Variants in PKHD1 observed in about 807,000 individuals in gnomAD.
PKHD1 encodes the protein PKHD1 ciliary IPT domain containing fibrocystin/polyductin.
PKHD1 carries 291 observed loss-of-function variants against 412.0 expected under a neutral mutation model. The observed-to-expected ratio is 0.71, with a 90% CI of 0.64 to 0.78. The LOEUF is 0.78. Ranked by LOEUF, PKHD1 falls within the 30% of genes least tolerant of loss-of-function variation. The probability of loss-of-function intolerance (pLI) is 0.00; values close to 1 mark genes in which losing one functional copy is unlikely to be tolerated. For synonymous variants in PKHD1, 1,777 were observed against 1,821.5 expected (o/e 0.98, Z 0.62); for missense variants, 4,825 against 4,950.7 (o/e 0.97, Z 0.76).
chr6:51,834,147 T>A (rs1582942577), intron 51 of PKHD1, among the ~76,000 whole-genome samples: 1 of 152,070 alleles, frequency 6.6e-6, no homozygotes, highest in East Asian at 1.9e-4. Context: ...AAATTCAGTA[T>A]CCACAAATTT....
intron 60 of PKHD1, among the ~76,000 whole-genome samples, chr6:51,714,325 G>A (rs1207872458): frequency 2.6e-5 from 4 of 152,026 alleles, no homozygotes; most frequent in South Asian, 2.1e-4. Context: ...AGCTGAGATC[G>A]TGCCATTGCA....
In PKHD1 at chr6:51,792,017, C is replaced by T. The variant is rs151048204; in HGVS notation, c.8303-644G>A. On this transcript the variant is annotated intron_variant, in intron 52 of 66. Coordinates refer to ENST00000371117, the MANE Select transcript of PKHD1 (RefSeq NM_138694.4). Reference sequence around the variant, plus strand: ...AAGTACATGGTGCATGCTTAATAAACGCTTGATGTTATTATTTTTACTGTT... The same window carrying T: ...AAGTACATGGTGCATGCTTAATAAATGCTTGATGTTATTATTTTTACTGTT... 2.4e-3 allele frequency among the ~76,000 whole-genome samples: 364 copies of T among 152,306 alleles called. 1 individual carries two copies. The highest frequency in any genetic ancestry group is 8.1e-3 in the African/African-American group (338 of 41,566).
At chr6:51,842,628 C>A (rs1770421959) in intron 50 of PKHD1, among the ~76,000 whole-genome samples, 1 of 152,184 alleles carries the variant, frequency 6.6e-6, no homozygotes, top group Non-Finnish European at 1.5e-5. Context: ...CTGTTTTGGG[C>A]AAGTCCTATT....
chr6:51,701,705 A>T (rs1472618410), intron 60 of PKHD1, among the ~76,000 whole-genome samples: 1 of 152,034 alleles, frequency 6.6e-6, no homozygotes, highest in African/African-American at 2.4e-5. Context: ...CATGATTTCA[A>T]TGTCCAGGCT....
chr6:52,067,671 C>T (rs1010031066), intron 11 of PKHD1, among the ~76,000 whole-genome samples: 6 of 151,868 alleles, frequency 4.0e-5, no homozygotes, highest in Admixed American at 6.6e-5. Context: ...AGTGGCCTAG[C>T]GAAGAGGAGA....
chr6:51,944,998 T>C (rs1789242665), intron 36 of PKHD1, among the ~76,000 whole-genome samples: 1 of 152,246 alleles, frequency 6.6e-6, no homozygotes, highest in South Asian at 2.1e-4. Context: ...AGTACCACAC[T>C]GCTTACCAGA....
intron 33 of PKHD1, among the ~76,000 whole-genome samples, chr6:52,020,756 A>G (rs558713637): frequency 6.6e-6 from 1 of 152,298 alleles, no homozygotes; most frequent in Non-Finnish European, 1.5e-5. Context: ...CTGCTGGGAA[A>G]TTCTCCCCTG....
At chr6:51,664,049 T>TA (rs1238392957) in intron 60 of PKHD1, among the ~76,000 whole-genome samples, 7 of 152,150 alleles carry the variant, frequency 4.6e-5, no homozygotes, top group African/African-American at 7.2e-5. Context: ...GCCAAAATAA[T>TA]AAAAAATGGC....
chr6:51,989,951 GGAAGGAAA>G lies in PKHD1; in HGVS notation c.5751+20350_5751+20357del, dbSNP rs1398353883. On this transcript the variant is annotated intron_variant, in intron 35 of 66. Transcript: ENST00000371117. ...AGGAAGGAAAGAAGGAAGGAAGAAA[GGAAGGAAA>G]GAAGGAAGGAAGGAAGGAAGGAAGG... Among the ~76,000 whole-genome samples, 22 of 104,650 alleles carry G rather than the reference GGAAGGAAA, an allele frequency of 2.1e-4. 1 individual carries two copies. Among genetic ancestry groups the G allele is most frequent in the African/African-American group, 7.0e-4 (19 of 27,246 alleles). The allele number at this position is 104,650 out of a possible 152,430, so 68.7% of individuals were successfully genotyped here. A position where few individuals can be genotyped will look rare whatever the true frequency, so the allele number is the denominator to read the frequency against.
rs149369585 is a variant in PKHD1, at chr6:51,711,233, C to A, written c.10156+33152G>T. On this transcript the variant is annotated intron_variant, in intron 60 of 66. Transcript: ENST00000371117. ...TCATAAGGATCCTGAGAAAGCCTCA[C>A]AAGATCAGTATTTCCTGTAGGCATC... 3.5e-3 allele frequency among the ~76,000 whole-genome samples: 530 copies of A among 152,316 alleles called. 2 individuals are homozygous for A. Among genetic ancestry groups the A allele is most frequent in the African/African-American group, 0.012 (504 of 41,564 alleles).
chr6:51,771,988 C>T (rs1790222659), intron 55 of PKHD1, among the ~76,000 whole-genome samples: 1 of 152,064 alleles, frequency 6.6e-6, no homozygotes, highest in Non-Finnish European at 1.5e-5. Flanking sequence ...ATAAAGCAAT[C>T]ACCATCCTTG....
intron 33 of PKHD1, among the ~76,000 whole-genome samples, chr6:52,019,882 T>C (rs1380924979): frequency 6.6e-6 from 1 of 152,194 alleles, no homozygotes; most frequent in Non-Finnish European, 1.5e-5. Flanking sequence ...GTGGGGATGG[T>C]AAAAATGGGT....
chr6:51,702,890 A>AT (rs11447702), intron 60 of PKHD1, among the ~76,000 whole-genome samples: 88,349 of 138,178 alleles, frequency 0.64, 30,914 homozygotes, highest in Non-Finnish European at 0.8. Flanking sequence ...TCAGAAATCA[A>AT]TTTTTTTTTT....
intron 36 of PKHD1, among the ~76,000 whole-genome samples, chr6:51,938,517 GAAC>G (rs146045223): frequency 0.36 from 46,883 of 130,152 alleles, 9,356 homozygotes; most frequent in East Asian, 0.77. Flanking sequence ...GCCCGCCAGA[GAAC>G]AACCCCCCTT....
At chr6:51,747,699 T>G in intron 58 of PKHD1, 88 bp downstream of exon 58, 2 of 1,167,890 alleles carry the variant, frequency 1.7e-6, no homozygotes, top group Non-Finnish European at 1.3e-6. Flanking sequence ...CAATGTACCT[T>G]TTTGTTGATA....
At chr6:51,981,356 T>C (rs1244730666) in intron 35 of PKHD1, among the ~76,000 whole-genome samples, 19 of 61,120 alleles carry the variant, frequency 3.1e-4, no homozygotes, top group African/African-American at 8.7e-4. Flanking sequence ...CCTCTCCCTC[T>C]CCCTCTCCCT....
chr6:51,856,949 A>G (rs888065921), intron 48 of PKHD1, among the ~76,000 whole-genome samples: 1 of 152,234 alleles, frequency 6.6e-6, no homozygotes, highest in Non-Finnish European at 1.5e-5. Context: ...TAATGTATAT[A>G]AAGTTCTATA....
chr6:51,661,786 GT>G (rs1772913414), intron 60 of PKHD1, among the ~76,000 whole-genome samples: 1 of 151,724 alleles, frequency 6.6e-6, no homozygotes, highest in African/African-American at 2.4e-5. Context: ...ATTCTGTATT[GT>G]TTTCTAGATT....
chr6:51,760,075 G>A (rs1285733214), intron 55 of PKHD1, among the ~76,000 whole-genome samples: 1 of 151,768 alleles, frequency 6.6e-6, no homozygotes, highest in Non-Finnish European at 1.5e-5. Context: ...TTGCCAATGA[G>A]TGCATAAGGC....
Sources: gnomAD v4.1 joint callset for allele counts (sites outside exome capture counted in the v4.1 genomes callset) on GRCh38, gnomAD v4.1.1 for gene constraint, MANE v1.5 for transcripts, NCBI Gene and HGNC (gene_info 2026-07-23, HGNC 2026-07-21) for gene names.